Variants in HDAC10 observed in about 807,000 individuals in gnomAD.
The protein encoded by HDAC10 is histone deacetylase 10, also known as polyamine deacetylase HDAC10.
In HDAC10, 90 loss-of-function variants were observed where a neutral mutation model predicts 82.3. That is an observed-to-expected ratio of 1.09 (90% confidence interval 0.92 to 1.30). The LOEUF (loss-of-function observed/expected upper bound fraction) is 1.30, where lower values mean the gene tolerates loss of function less well. Among genes scored for constraint, HDAC10 ranks in the 50% most tolerant of loss-of-function variants. The pLI is 0.00. For synonymous variants in HDAC10, 456 were observed against 391.7 expected (o/e 1.16, Z -1.94); for missense variants, 934 against 876.3 (o/e 1.07, Z -0.83).
At position 50,251,240 on chromosome 22, in the gene HDAC10, G is replaced by A. The variant is rs913715641; in HGVS notation, c.-208C>T. 5.9e-6 allele frequency: 3 copies of A among 508,806 alleles called. No homozygotes were observed. The highest frequency in any genetic ancestry group is 3.7e-5 in the Admixed American group (1 of 26,778). 31.5% of individuals were successfully genotyped at this position (508,806 alleles called of 1,614,324 possible). A position where few individuals can be genotyped will look rare whatever the true frequency, so the allele number is the denominator to read the frequency against. ...GCAGAAGGCACGGAGCGAGGCTGCA[G>A]TCGAAGGGGGAGGCTCCCCGCGCCT... On this transcript the variant is annotated 5_prime_UTR_variant, in exon 1 of 20. Transcript: ENST00000216271.
At chr22:50,246,799 C>G (rs910417928) in intron 15 of HDAC10, 64 bp from the exon 16 acceptor site, 2 of 1,600,438 alleles carry the variant, frequency 1.2e-6, no homozygotes, top group Admixed American at 1.7e-5. Flanking sequence ...CCAGAACTCT[C>G]TGTGCTTGGC....
Position 50,248,763 on chromosome 22 carries a change from G to A in HDAC10, c.817-12C>T. On this transcript the variant is annotated splice_polypyrimidine_tract_variant and intron_variant, in intron 9 of 19. Transcript: ENST00000216271. The surrounding 1 kb of genome is among the most constrained non-coding windows in gnomAD (Gnocchi z 5.4). ...GCCTGCATTTGCCCCTGGAACCAGA[G>A]CCATGTGTGATGGGGGACCTGGGCC... 6.3e-7 allele frequency: 1 copy of A among 1,589,796 alleles called. No homozygotes were observed.
At position 50,249,594 on chromosome 22, in the gene HDAC10, C is replaced by A. The variant is rs908953546; in HGVS notation, c.563+41G>T. 5.0e-6 allele frequency: 8 copies of A among 1,611,492 alleles called. No homozygotes were observed. In the African/African-American group the frequency reaches 1.1e-4, roughly 22 times the overall value. ...CCAGGCCAGGCTGTGCACCCAAAAA[C>A]TGGGGCTGCAGGGAAGGGTGGTTTC... On this transcript the variant is annotated intron_variant, in intron 6 of 19. Coordinates refer to ENST00000216271, the MANE Select transcript of HDAC10 (RefSeq NM_032019.6). This position sits in a 1 kb window ranked among gnomAD's most constrained non-coding sequence, Gnocchi z 4.4.
At position 50,250,788 on chromosome 22, in the gene HDAC10, C is replaced by T. The variant is rs2065072076; in HGVS notation, c.177G>A (p.Glu59=). The change falls in exon 2 of 20, where the codon GAG becomes GAA. Residue 59 remains glutamate (E), a synonymous_variant. Coordinates refer to ENST00000216271, the MANE Select transcript of HDAC10 (RefSeq NM_032019.6). ...RLSAREASEE[E]LGLVHSPEYV... is the part of the protein sequence containing the mutation. Reference sequence around the variant, plus strand: ...GTCCTGACCTGTGCACCAGGCCCAGCTCCTCTTCCGAGGCCTCGCGGGCTG... The same window carrying T: ...GTCCTGACCTGTGCACCAGGCCCAGTTCCTCTTCCGAGGCCTCGCGGGCTG... The T allele has an allele frequency of 6.2e-7, 1 of 1,601,448 alleles. No homozygotes were observed. Among genetic ancestry groups the T allele is most frequent in the Non-Finnish European group, 8.5e-7 (1 of 1,175,368 alleles).
rs759963616 is a variant in HDAC10 at position 50,248,404 on chromosome 22, C to T, written c.975G>A (p.Pro325=). Residue 325 remains proline (P), a synonymous_variant, in exon 11 of 20, where the codon CCG becomes CCA. Coordinates refer to ENST00000216271, the MANE Select transcript of HDAC10 (RefSeq NM_032019.6). The surrounding 1 kb of genome is among the most constrained non-coding windows in gnomAD (Gnocchi z 5.4). ...CMTVQTLLGD[P]APPLSGPMAP... ...CCATTGGCCCTGACAGGGGTGGGGC[C>T]GGGTCACCCAGCAGCGTCTGTACTG... The T allele has an allele frequency of 3.1e-6, 5 of 1,609,316 alleles. No individual in the cohort carries two copies. Among genetic ancestry groups the T allele is most frequent in the East Asian group, 2.2e-5 (1 of 44,884 alleles).
rs757788385 is a variant in HDAC10, at chr22:50,248,220, C to A, written c.1081+5G>T. 3.7e-6 allele frequency: 6 copies of A among 1,611,312 alleles called. No individual in the cohort carries two copies. The Admixed American group carries it at 8.3e-5, about 22-fold the overall frequency. The stretch of plus-strand genomic sequence containing the variant: ...TCCTGCAGCCTAGCACCCGGCCACA[C>A]TGACCTTGCTGCTGGAGGCTCTTCC... On this transcript the variant is annotated splice_donor_5th_base_variant and intron_variant, in intron 12 of 19. Transcript: ENST00000216271. This position sits in a 1 kb window ranked among gnomAD's most constrained non-coding sequence, Gnocchi z 5.4.
intron 3 of HDAC10, 77 bp downstream of exon 3, chr22:50,250,350 T>A: frequency 7.1e-7 from 1 of 1,400,786 alleles, no homozygotes; most frequent in Non-Finnish European, 1.0e-6. Context: ...CTGGCTGGGG[T>A]TGGCGGCCGT....
chr22:50,246,219 T>C, intron 17 of HDAC10, 79 bp downstream of exon 17: 1 of 1,529,204 alleles, frequency 6.5e-7, no homozygotes, highest in South Asian at 1.2e-5. Context: ...CCTGCTATCA[T>C]GACAATGCCA....
intron 2 of HDAC10, 118 bp downstream of exon 2, chr22:50,250,653 G>A (rs892447181): frequency 7.5e-7 from 1 of 1,329,336 alleles, no homozygotes; most frequent in Non-Finnish European, 1.0e-6. Flanking sequence ...CCCACCCGAG[G>A]TGCATAGGGA....
In HDAC10 at chr22:50,250,880, C is replaced by T; in HGVS notation, c.85G>A (p.Glu29Lys). ...CGATCCAGGGCTGCGGTCAGGCGCT[C>T]AGGACGCTCGATCTCGCACTCGGGG... ...DDPECEIERP[E>K]RLTAALDRLR... is the part of the protein sequence containing the mutation. The change falls in exon 2 of 20, where the codon GAG becomes AAG. Residue 29 changes from glutamate (E) to lysine (K), a missense_variant. By Grantham distance (56) the Glu-to-Lys change is moderately conservative. Coordinates refer to ENST00000216271, the MANE Select transcript of HDAC10 (RefSeq NM_032019.6). The T allele has an allele frequency of 1.2e-6, 2 of 1,601,466 alleles. No homozygotes were observed. Among genetic ancestry groups the T allele is most frequent in the Non-Finnish European group, 1.7e-6 (2 of 1,174,364 alleles).
chr22:50,245,622 G>T lies in HDAC10; in HGVS notation c.1986+53C>A, dbSNP rs1431235516. 13 of 1,610,332 alleles carry T rather than the reference G, an allele frequency of 8.1e-6. No homozygotes were observed. The East Asian group carries it at 2.9e-4, about 36-fold the overall frequency. On this transcript the variant is annotated intron_variant, in intron 19 of 19. Transcript: ENST00000216271. ...CCTGCCCTGCCCTCCCCACCGATCT[G>T]TGCGGCAGAGCCAGGCCCCAGGGCA...
rs568653229 is a variant in HDAC10 at position 50,246,884 on chromosome 22, C to T, written c.1505G>A (p.Gly502Glu). 1 of 1,612,074 alleles carries T rather than the reference C, an allele frequency of 6.2e-7. No individual in the cohort carries two copies. Among genetic ancestry groups the T allele is most frequent in the African/African-American group, 1.3e-5 (1 of 75,052 alleles). ...DVAVRRGLSHGAQRLLCVALG... is the reference protein window; with the variant it reads ...DVAVRRGLSHEAQRLLCVALG... Reference sequence around the variant, plus strand: ...GCCAAGTGAGGCTTACCTCTGGGCTCCGTGGGACAGGCCTCTCCGAACAGC... The same window carrying T: ...GCCAAGTGAGGCTTACCTCTGGGCTTCGTGGGACAGGCCTCTCCGAACAGC... The change falls in exon 15 of 20, where the codon GGA (glycine) becomes GAA (glutamate). Residue 502 changes from glycine to glutamate, a missense_variant. Coordinates refer to ENST00000216271, the MANE Select transcript of HDAC10 (RefSeq NM_032019.6).
intron 3 of HDAC10, 32 bp downstream of exon 3, chr22:50,250,387 ATGTGTGTC>A: frequency 6.3e-7 from 1 of 1,581,026 alleles, no homozygotes; most frequent in East Asian, 2.2e-5. Flanking sequence ...AGGCACGTGC[ATGTGTGTC>A]TGCACAGGTG....
chr22:50,250,280 C>A, intron 3 of HDAC10, 120 bp from the exon 4 acceptor site: 1 of 1,224,120 alleles, frequency 8.2e-7, no homozygotes, highest in Admixed American at 1.8e-5. Context: ...CAGCCCCAGG[C>A]TCTGGCAGTG....
Position 50,245,769 on chromosome 22 carries a change from G to A in HDAC10, c.1892C>T (p.Pro631Leu). ...LARVLNGEAP[P>L]SLGPSSVASP... is the part of the protein sequence containing the mutation. ...GGCCACAGAGGAAGGGCCTAGGCTAGGAGGTGCCTCTCCATTCAGCACCCG... is the reference window on the plus strand; with the variant it reads ...GGCCACAGAGGAAGGGCCTAGGCTAAGAGGTGCCTCTCCATTCAGCACCCG... Residue 631 changes from proline (P) to leucine (L), a missense_variant, in exon 19 of 20, where the codon CCT becomes CTT. Pro to Leu is a moderately conservative substitution (Grantham distance 98, BLOSUM62 -3). Transcript: ENST00000216271. 1 of 1,606,936 alleles carries A rather than the reference G, an allele frequency of 6.2e-7. No individual in the cohort carries two copies.
intron 16 of HDAC10, 126 bp from the exon 17 acceptor site, chr22:50,246,502 G>T: frequency 9.7e-7 from 1 of 1,026,544 alleles, no homozygotes; most frequent in Non-Finnish European, 1.5e-6. Context: ...GAGCCTCTGT[G>T]CTGGAGACCC....
At position 50,250,444 on chromosome 22, in the gene HDAC10, C is replaced by T. The variant is rs753817301; in HGVS notation, c.274G>A (p.Ala92Thr). ...ELQALSGQFD[A>T]IYFHPSTFHC... The stretch of plus-strand genomic sequence containing the variant: ...ACACGCACCGGGTGGAAGTAGATGG[C>T]GTCGAACTGTCCGGACAGCGCCTGC... Residue 92 changes from alanine (A) to threonine (T), a missense_variant, in exon 3 of 20, where the codon GCC becomes ACC. Transcript: ENST00000216271. 2.5e-6 allele frequency: 4 copies of T among 1,612,906 alleles called. No homozygotes were observed. The highest frequency in any genetic ancestry group is 1.1e-5 in the South Asian group (1 of 91,086).
At position 50,246,906 on chromosome 22, in the gene HDAC10, C is replaced by T; in HGVS notation, c.1483G>A (p.Val495Ile). The change falls in exon 15 of 20, where the codon GTT becomes ATT. Residue 495 changes from valine to isoleucine, a missense_variant. By Grantham distance (29) the Val-to-Ile change is conservative. Transcript: ENST00000216271. ...GCTCCGTGGGACAGGCCTCTCCGAA[C>T]AGCCACATCCAGGGTGGCTGCTGCA... ...SAAAATLDVA[V>I]RRGLSHGAQR... 6.2e-7 allele frequency: 1 copy of T among 1,612,326 alleles called. No individual in the cohort carries two copies. Among genetic ancestry groups the T allele is most frequent in the Non-Finnish European group, 8.5e-7 (1 of 1,179,328 alleles).
intron 14 of HDAC10, 78 bp downstream of exon 14, chr22:50,247,614 C>G: frequency 2.9e-6 from 3 of 1,032,214 alleles, no homozygotes; most frequent in Non-Finnish European, 4.3e-6. Flanking sequence ...CTCCTCTGGA[C>G]AGGCCACATC....
Sources: allele counts gnomAD v4.1 joint callset, GRCh38; gene constraint gnomAD v4.1.1; non-coding constraint Gnocchi (gnomAD v3.1); transcripts MANE v1.5; gene names NCBI Gene and HGNC (gene_info 2026-07-23, HGNC 2026-07-21).